Variants in MAP3K20 observed in about 807,000 individuals in gnomAD.
MAP3K20 encodes the protein mitogen-activated protein kinase kinase kinase 20.
A neutral mutation model predicts 85.7 loss-of-function variants in MAP3K20; 40 were observed. That is an observed-to-expected ratio of 0.47 (90% CI 0.36 to 0.61). The LOEUF is 0.61. Ranked by LOEUF, MAP3K20 falls within the 20% of genes least tolerant of loss-of-function variation. The probability of loss-of-function intolerance (pLI) is 0.00; values close to 1 mark genes in which losing one functional copy is unlikely to be tolerated. For missense variants in MAP3K20, 817 were observed against 961.7 expected, an observed-to-expected ratio of 0.85 and a Z score of 1.99; for synonymous variants, 325 against 327.7, an observed-to-expected ratio of 0.99 and a Z score of 0.09.
chr2:173,199,809 T>C (rs986325376), intron 8 of MAP3K20, among the ~76,000 whole-genome samples: 3 of 152,132 alleles, frequency 2.0e-5, no homozygotes, highest in African/African-American at 7.2e-5. Context: ...TTTTAAAACA[T>C]TGGAGTATCC....
intron 14 of MAP3K20, among the ~76,000 whole-genome samples, chr2:173,233,269 T>C (rs965695248): frequency 3.3e-5 from 5 of 152,230 alleles, no homozygotes; most frequent in Admixed American, 2.0e-4. Context: ...TGCAGTAACC[T>C]AAAGGCATTT....
At chr2:173,194,122 T>C (rs1454150677) in intron 7 of MAP3K20, among the ~76,000 whole-genome samples, 1 of 152,172 alleles carries the variant, frequency 6.6e-6, no homozygotes, top group East Asian at 1.9e-4. Flanking sequence ...GCTTCTGCTG[T>C]GTGAGTCTTG....
At chr2:173,158,674 A>T (rs546067790) in intron 2 of MAP3K20, among the ~76,000 whole-genome samples, 1 of 152,338 alleles carries the variant, frequency 6.6e-6, no homozygotes, top group Admixed American at 6.5e-5. Flanking sequence ...CTTCTGAATG[A>T]TCATTGATTA....
At chr2:173,232,130 G>A (rs1007068893) in intron 12 of MAP3K20, 62 bp from the exon 13 acceptor site, 17 of 1,595,548 alleles carry the variant, frequency 1.1e-5, no homozygotes, top group Admixed American at 8.3e-5. Flanking sequence ...TATGTTTACT[G>A]TGAAGACTGG....
chr2:173,076,167 CCGGCGG>C (rs1050164462), intron 1 of MAP3K20, among the ~76,000 whole-genome samples, 165 bp downstream of exon 1: 1 of 151,310 alleles, frequency 6.6e-6, no homozygotes, highest in African/African-American at 2.4e-5. Context: ...CAGGGCCCGC[CCGGCGG>C]CGGCGGCCGG....
chr2:173,221,027 T>G (rs1684230381), intron 11 of MAP3K20: 2 of 727,380 alleles, frequency 2.7e-6, no homozygotes, highest in Non-Finnish European at 3.9e-6. Context: ...TTCCCTACAT[T>G]CATTTATTTC....
intron 8 of MAP3K20, among the ~76,000 whole-genome samples, chr2:173,200,059 A>G (rs1334441963): frequency 6.6e-6 from 1 of 152,246 alleles, no homozygotes. Context: ...CACTGTATTC[A>G]TTAAATATAA....
intron 16 of MAP3K20, among the ~76,000 whole-genome samples, chr2:173,242,389 G>A (rs1434580558): frequency 1.3e-5 from 2 of 151,838 alleles, no homozygotes; most frequent in Non-Finnish European, 2.9e-5. Flanking sequence ...GGCTGGTCTC[G>A]AACTCCCGAC....
At chr2:173,178,865 C>A (rs1690243716) in intron 3 of MAP3K20, among the ~76,000 whole-genome samples, 2 of 152,042 alleles carry the variant, frequency 1.3e-5, no homozygotes, top group Non-Finnish European at 1.5e-5. Context: ...GACCAATATT[C>A]TTCATGAATA....
intron 2 of MAP3K20, among the ~76,000 whole-genome samples, chr2:173,143,507 A>G (rs1408438047): frequency 1.3e-5 from 2 of 152,244 alleles, no homozygotes; most frequent in African/African-American, 2.4e-5. Flanking sequence ...TCATAAAATA[A>G]GTTTTTATAA....
At chr2:173,225,506 A>G in intron 11 of MAP3K20, 1 of 785,260 alleles carries the variant, frequency 1.3e-6, no homozygotes, top group Non-Finnish European at 1.5e-6. Context: ...AGGCAGGAGA[A>G]TCACTTGAAC....
intron 2 of MAP3K20, among the ~76,000 whole-genome samples, chr2:173,106,802 AGTTC>A (rs1687794429): frequency 6.6e-6 from 1 of 152,146 alleles, no homozygotes; most frequent in Admixed American, 6.5e-5. Context: ...GGATTACTGG[AGTTC>A]AGGTGCTGGA....
At chr2:173,137,569 A>C (rs1317055249) in intron 2 of MAP3K20, among the ~76,000 whole-genome samples, 1 of 152,018 alleles carries the variant, frequency 6.6e-6, no homozygotes, top group Non-Finnish European at 1.5e-5. Context: ...AGAAGTGTGC[A>C]TGTTTTATTT....
intron 3 of MAP3K20, among the ~76,000 whole-genome samples, chr2:173,173,142 A>G (rs1213719227): frequency 7.2e-6 from 1 of 139,198 alleles, no homozygotes; most frequent in South Asian, 2.3e-4. Flanking sequence ...TACTACTCCC[A>G]TTCTTTTATT....
chr2:173,101,278 C>G (rs1216668876), intron 2 of MAP3K20, among the ~76,000 whole-genome samples: 1 of 152,140 alleles, frequency 6.6e-6, no homozygotes, highest in Non-Finnish European at 1.5e-5. Flanking sequence ...AGCCCCTAAT[C>G]CTTCTTATGT....
In MAP3K20 at chr2:173,266,783, T is replaced by TAAAAAAAAAAAA. The variant is rs3835094; in HGVS notation, c.*39_*50dup. On this transcript the variant is annotated 3_prime_UTR_variant, in exon 20 of 20. Transcript: ENST00000375213. ...AACTACATAGCTTTTCTAAGCAGGT[T>TAAAAAAAAAAAA]AAAAAAAAAAAAAAAAAGAAATGTA... 1.1e-6 allele frequency: 1 copy of TAAAAAAAAAAAA among 876,242 alleles called. No homozygotes were observed. Among genetic ancestry groups the TAAAAAAAAAAAA allele is most frequent in the Non-Finnish European group, 1.5e-6 (1 of 661,546 alleles). The allele number at this position is 876,242 out of a possible 1,614,324, so 54.3% of individuals were successfully genotyped here. A position where few individuals can be genotyped will look rare whatever the true frequency, so the allele number is the denominator to read the frequency against.
chr2:173,076,967 TTA>T (rs1686881203), intron 1 of MAP3K20, among the ~76,000 whole-genome samples: 1 of 152,208 alleles, frequency 6.6e-6, no homozygotes, highest in Non-Finnish European at 1.5e-5. Context: ...GCTGAAAATG[TTA>T]TGTTTCTGAT....
intron 2 of MAP3K20, among the ~76,000 whole-genome samples, chr2:173,144,740 A>C (rs935538334): frequency 6.6e-6 from 1 of 152,088 alleles, no homozygotes; most frequent in African/African-American, 2.4e-5. Context: ...TGCGTTTTCC[A>C]TAAGTCCAGT....
intron 8 of MAP3K20, among the ~76,000 whole-genome samples, chr2:173,202,749 C>T (rs147856924): frequency 1.4e-4 from 22 of 152,242 alleles, no homozygotes; most frequent in Admixed American, 9.8e-4. Context: ...CAAATGCACC[C>T]GGATGGAGTT....
Sources: gnomAD v4.1 joint callset for allele counts (sites outside exome capture counted in the v4.1 genomes callset) on GRCh38, gnomAD v4.1.1 for gene constraint, MANE v1.5 for transcripts, NCBI Gene and HGNC (gene_info 2026-07-23, HGNC 2026-07-21) for gene names.